Variants in PDK1 observed in about 807,000 individuals in gnomAD.
PDK1 encodes the protein pyruvate dehydrogenase kinase 1, also known as [Pyruvate dehydrogenase (acetyl-transferring)] kinase isozyme 1, mitochondrial.
Under a neutral mutation model 54.2 loss-of-function variants are expected in PDK1, and 39 were observed. The ratio of observed to expected loss-of-function variants is 0.72; its 90% CI spans 0.56 to 0.94. The LOEUF (loss-of-function observed/expected upper bound fraction) is 0.94. Ranked by LOEUF, PDK1 falls within the 40% of genes least tolerant of loss-of-function variation. The pLI is 0.00. For synonymous variants in PDK1, 221 were observed against 207.1 expected, an observed-to-expected ratio of 1.07 and a Z score of -0.58; for missense variants, 552 against 566.0, an observed-to-expected ratio of 0.98 and a Z score of 0.25.
At chr2:172,631,147 C>T in the PDK1 span, among the ~76,000 whole-genome samples, 2 of 152,176 alleles carry the variant, frequency 1.3e-5, no homozygotes, top group African/African-American at 4.8e-5. Context: ...ACAATGTACC[C>T]CTTTCTTGCT....
chr2:172,687,682 C>T, the PDK1 span, among the ~76,000 whole-genome samples: 1 of 152,176 alleles, frequency 6.6e-6, no homozygotes, highest in Admixed American at 6.5e-5. Flanking sequence ...ATATCTTTCT[C>T]AGGCTGGGGT....
At chr2:172,711,252 G>T in the PDK1 span, among the ~76,000 whole-genome samples, 1 of 152,176 alleles carries the variant, frequency 6.6e-6, no homozygotes, top group African/African-American at 2.4e-5. Context: ...TAGTGTGTCA[G>T]TGTGTTTCCA....
At chr2:172,660,245 C>CTTT in the PDK1 span, among the ~76,000 whole-genome samples, 4,848 of 55,148 alleles carry the variant, frequency 0.088, 1,208 homozygotes, top group Non-Finnish European at 0.12. Context: ...CTCTCTCTCT[C>CTTT]TCTTTTTTTT....
chr2:172,653,693 C>T, the PDK1 span, among the ~76,000 whole-genome samples: 3 of 152,050 alleles, frequency 2.0e-5, no homozygotes, highest in Non-Finnish European at 2.9e-5. Flanking sequence ...TTAGGCAATA[C>T]CATTCAGGAC....
the PDK1 span, among the ~76,000 whole-genome samples, chr2:172,621,805 A>G: frequency 4.4e-5 from 5 of 113,628 alleles, no homozygotes; most frequent in Admixed American, 1.6e-4. Context: ...ATATATGTTT[A>G]TATCTCATAT....
the PDK1 span, among the ~76,000 whole-genome samples, chr2:172,646,426 CTGTT>C: frequency 6.6e-6 from 1 of 151,946 alleles, no homozygotes; most frequent in Non-Finnish European, 1.5e-5. Flanking sequence ...ACCAAGTAAT[CTGTT>C]TGGAACTGTT....
In PDK1 at chr2:172,604,367, A is replaced by G. The variant is rs1691216352; in HGVS notation, c.*8398A>G. The G allele has an allele frequency of 6.6e-6, 1 of 152,212 alleles. No homozygotes were observed. The highest frequency in any genetic ancestry group is 2.1e-4 in the South Asian group (1 of 4,826). The allele number at this position is 152,212 out of a possible 1,614,324, so 9.4% of individuals were successfully genotyped here. On this transcript the variant is annotated 3_prime_UTR_variant, in exon 11 of 11. Coordinates refer to ENST00000282077, the MANE Select transcript of PDK1 (RefSeq NM_002610.5). ...CCGTACCTGGCCAGACATAGCATATATCTTCCTTTACATAGATTGCCTTTG... is the reference window on the plus strand; with the variant it reads ...CCGTACCTGGCCAGACATAGCATATGTCTTCCTTTACATAGATTGCCTTTG...
intron 9 of PDK1, among the ~76,000 whole-genome samples, chr2:172,588,830 G>A (rs986035810): frequency 6.6e-6 from 1 of 152,174 alleles, no homozygotes; most frequent in Non-Finnish European, 1.5e-5. Context: ...AGTCCGGAGA[G>A]GAACATCCAC....
the PDK1 span, among the ~76,000 whole-genome samples, chr2:172,665,583 C>T: frequency 6.6e-6 from 1 of 152,122 alleles, no homozygotes; most frequent in Admixed American, 6.5e-5. Flanking sequence ...GTTGCCTGAG[C>T]CTACCCTGAA....
At chr2:172,578,337 T>G (rs1689689398) in intron 8 of PDK1, among the ~76,000 whole-genome samples, 1 of 152,250 alleles carries the variant, frequency 6.6e-6, no homozygotes, top group Non-Finnish European at 1.5e-5. Context: ...AGTGAAATTT[T>G]CATTTCGTTT....
chr2:172,565,697 C>A (rs995450359), intron 5 of PDK1, among the ~76,000 whole-genome samples: 3 of 152,212 alleles, frequency 2.0e-5, no homozygotes, highest in Non-Finnish European at 4.4e-5. Flanking sequence ...TGGTTTGAAT[C>A]ATTTCACACT....
chr2:172,718,477 C>A, the PDK1 span, among the ~76,000 whole-genome samples: 1 of 152,304 alleles, frequency 6.6e-6, no homozygotes, highest in Admixed American at 6.5e-5. Context: ...AAATTGAGAT[C>A]TGTAAGATAT....
the PDK1 span, among the ~76,000 whole-genome samples, chr2:172,722,745 G>C: frequency 6.6e-6 from 1 of 152,142 alleles, no homozygotes; most frequent in Non-Finnish European, 1.5e-5. Flanking sequence ...GATGCATTCA[G>C]TAGGCTGTTC....
the PDK1 span, among the ~76,000 whole-genome samples, chr2:172,701,321 AAAC>A: frequency 6.6e-6 from 1 of 152,086 alleles, no homozygotes. Flanking sequence ...TTTTGATTAA[AAAC>A]AACAATAAGC....
At chr2:172,622,932 A>C in the PDK1 span, among the ~76,000 whole-genome samples, 2 of 148,888 alleles carry the variant, frequency 1.3e-5, no homozygotes, top group Non-Finnish European at 3.0e-5. Context: ...AGTAGGAGAT[A>C]TATATGTTAT....
At chr2:172,695,233 T>G in the PDK1 span, among the ~76,000 whole-genome samples, 5 of 152,218 alleles carry the variant, frequency 3.3e-5, no homozygotes, top group Non-Finnish European at 7.3e-5. Flanking sequence ...TTATATGTTA[T>G]TTTGCTTAAA....
the PDK1 span, among the ~76,000 whole-genome samples, chr2:172,623,116 C>T: frequency 6.6e-6 from 1 of 151,208 alleles, no homozygotes; most frequent in Admixed American, 6.6e-5. Context: ...TGCCACTGCA[C>T]TCCAGCCTGG....
At chr2:172,666,952 G>T in the PDK1 span, among the ~76,000 whole-genome samples, 1 of 152,268 alleles carries the variant, frequency 6.6e-6, no homozygotes, top group Middle Eastern at 3.4e-3. Context: ...AAGTTTTGTT[G>T]TGAAGAAAGA....
At chr2:172,559,614 C>G (rs764782287) in intron 2 of PDK1, among the ~76,000 whole-genome samples, 7 of 152,152 alleles carry the variant, frequency 4.6e-5, no homozygotes, top group Non-Finnish European at 1.0e-4. Context: ...ATGGCATGAT[C>G]TTGGCTCACT....
Sources: gnomAD v4.1 joint callset for allele counts (sites outside exome capture counted in the v4.1 genomes callset) on GRCh38, gnomAD v4.1.1 for gene constraint, MANE v1.5 for transcripts, NCBI Gene and HGNC (gene_info 2026-07-23, HGNC 2026-07-21) for gene names.